TCF12: variants seen among roughly 807,000 people sequenced by gnomAD.
TCF12 encodes the protein transcription factor 12.
In TCF12, 45 loss-of-function variants were observed where a neutral mutation model predicts 86.0. That is an observed-to-expected ratio of 0.52 (90% CI 0.41 to 0.67). TCF12 has a LOEUF of 0.67. Ranked by LOEUF, TCF12 falls within the 30% of genes least tolerant of loss-of-function variation. TCF12 has a pLI of 0.00. For synonymous variants in TCF12, 330 were observed against 299.6 expected, an observed-to-expected ratio of 1.10 and a Z score of -1.05; for missense variants, 881 against 859.9, an observed-to-expected ratio of 1.02 and a Z score of -0.31.
chr15:56,990,398 T>C (rs2063392245), intron 3 of TCF12, among the ~76,000 whole-genome samples: 1 of 152,034 alleles, frequency 6.6e-6, no homozygotes, highest in Non-Finnish European at 1.5e-5. Context: ...CTAGGACAGA[T>C]TTAGAAACTT....
chr15:57,223,938 C>T (rs1313341452), intron 8 of TCF12, among the ~76,000 whole-genome samples: 1 of 151,800 alleles, frequency 6.6e-6, no homozygotes, highest in Non-Finnish European at 1.5e-5. Flanking sequence ...TTTTTAAAAT[C>T]TCTTAATATA....
intron 3 of TCF12, among the ~76,000 whole-genome samples, chr15:56,989,942 A>T (rs1436552888): frequency 6.6e-6 from 1 of 152,200 alleles, no homozygotes. Context: ...TCAGAGACGG[A>T]CTTAAACAAT....
intron 3 of TCF12, among the ~76,000 whole-genome samples, chr15:56,994,192 C>T (rs554576070): frequency 5.1e-4 from 77 of 152,066 alleles, no homozygotes; most frequent in African/African-American, 1.9e-3. Flanking sequence ...TAAATCTGAA[C>T]ATTAGAGAAG....
chr15:57,200,804 C>A (rs2126400), intron 8 of TCF12, among the ~76,000 whole-genome samples: 152,155 of 152,326 alleles, frequency 1, 75,993 homozygotes, highest in Middle Eastern at 1. Flanking sequence ...GAACCACTGA[C>A]TAGTAACTTT....
At position 57,049,696 on chromosome 15, in the gene TCF12, G is replaced by T. The variant is rs113603319; in HGVS notation, c.149-14054G>T. ...ACAGTTTTGTGTAATTCTGTTTGTA[G>T]ATACATATTTTCATTTACCGTGAAC... On this transcript the variant is annotated intron_variant, in intron 3 of 20. Transcript: ENST00000333725. 3.7e-3 allele frequency among the ~76,000 whole-genome samples: 569 copies of T among 152,250 alleles called. 8 individuals carry two copies. The highest frequency in any genetic ancestry group is 0.013 in the African/African-American group (543 of 41,534).
intron 11 of TCF12, 43 bp from the exon 12 acceptor site, chr15:57,234,000 T>G: frequency 6.5e-7 from 1 of 1,535,346 alleles, no homozygotes; most frequent in Non-Finnish European, 9.0e-7. Flanking sequence ...AATATAATAC[T>G]TGCTTGTAAA....
In TCF12 at chr15:57,288,070, T is replaced by C. The variant is rs2061990063; in HGVS notation, c.*1925T>C. ...TCACTGTAGCTAGTCTTTTATACAA[T>C]AATCTTGTAAGAAAATTTCTTGAAT... On this transcript the variant is annotated 3_prime_UTR_variant, in exon 21 of 21. Coordinates refer to ENST00000333725, the MANE Select transcript of TCF12 (RefSeq NM_207037.2). 6.6e-6 allele frequency: 1 copy of C among 152,654 alleles called. No homozygotes were observed. The allele number at this position is 152,654 out of a possible 1,614,324, so 9.5% of individuals were successfully genotyped here.
chr15:57,200,176 C>T (rs750891402), intron 8 of TCF12, among the ~76,000 whole-genome samples: 25 of 151,814 alleles, frequency 1.6e-4, no homozygotes, highest in South Asian at 4.2e-4. Context: ...CCACCACACC[C>T]GGCTGAAATC....
At chr15:57,209,296 T>G (rs12911518) in intron 8 of TCF12, among the ~76,000 whole-genome samples, 68,061 of 151,956 alleles carry the variant, frequency 0.45, 16,624 homozygotes, top group East Asian at 0.64. Context: ...TAATTCCTAG[T>G]TACCAAAATA....
chr15:57,027,069 A>G (rs2065866502), intron 3 of TCF12, among the ~76,000 whole-genome samples: 1 of 152,170 alleles, frequency 6.6e-6, no homozygotes, highest in African/African-American at 2.4e-5. Flanking sequence ...AGATACAGAA[A>G]CTGAAGATAC....
chr15:57,257,679 G>GTGTATA (rs2060408501), intron 16 of TCF12, among the ~76,000 whole-genome samples: 1 of 140,344 alleles, frequency 7.1e-6, no homozygotes, highest in Non-Finnish European at 1.5e-5. Flanking sequence ...AAAAAAAAGT[G>GTGTATA]TATATATATA....
intron 4 of TCF12, among the ~76,000 whole-genome samples, chr15:57,071,536 C>T (rs1596383578): frequency 6.6e-6 from 1 of 151,906 alleles, no homozygotes; most frequent in South Asian, 2.1e-4. Flanking sequence ...TCGGGAGGCT[C>T]AGGCAGGAGA....
intron 3 of TCF12, among the ~76,000 whole-genome samples, chr15:57,011,217 G>C (rs2064810348): frequency 6.6e-6 from 1 of 152,178 alleles, no homozygotes; most frequent in Non-Finnish European, 1.5e-5. Flanking sequence ...GTGGGGTCCT[G>C]CTAGGAGTAA....
intron 3 of TCF12, among the ~76,000 whole-genome samples, chr15:56,966,566 TTC>T (rs563091444): frequency 3.5e-4 from 53 of 152,316 alleles, no homozygotes; most frequent in African/African-American, 1.2e-3. Flanking sequence ...TCTATCTTAT[TTC>T]TCTGTTAGTC....
chr15:57,256,420 G>A (rs752379075), intron 16 of TCF12, among the ~76,000 whole-genome samples: 1 of 152,032 alleles, frequency 6.6e-6, no homozygotes, highest in Non-Finnish European at 1.5e-5. Flanking sequence ...GCATGTTTTT[G>A]TAACTCTTGC....
intron 4 of TCF12, among the ~76,000 whole-genome samples, chr15:57,082,768 T>A (rs2048393183): frequency 6.6e-6 from 1 of 152,188 alleles, no homozygotes; most frequent in Non-Finnish European, 1.5e-5. Flanking sequence ...CTAGTAAATT[T>A]GAACACAAGC....
intron 3 of TCF12, among the ~76,000 whole-genome samples, chr15:57,055,971 C>A (rs1171931317): frequency 6.6e-6 from 1 of 151,974 alleles, no homozygotes; most frequent in Admixed American, 6.6e-5. Flanking sequence ...TGTTTGTTTT[C>A]TTTTAATCCT....
intron 3 of TCF12, among the ~76,000 whole-genome samples, chr15:57,014,182 A>G (rs1404960854): frequency 6.6e-6 from 1 of 152,146 alleles, no homozygotes; most frequent in Non-Finnish European, 1.5e-5. Context: ...TTCATATCAT[A>G]GTGTTGATGT....
chr15:57,198,204 A>T (rs1300877311), intron 8 of TCF12, among the ~76,000 whole-genome samples: 2 of 152,174 alleles, frequency 1.3e-5, no homozygotes, highest in African/African-American at 4.8e-5. Context: ...AGAAATTTAC[A>T]TTTGTAATAA....
Sources: gnomAD v4.1 joint callset for allele counts (sites outside exome capture counted in the v4.1 genomes callset) on GRCh38, gnomAD v4.1.1 for gene constraint, MANE v1.5 for transcripts, NCBI Gene and HGNC (gene_info 2026-07-23, HGNC 2026-07-21) for gene names.